The following BABAM2 variants were observed in gnomAD, a reference collection of about 807,000 sequenced individuals.
The protein encoded by BABAM2 is BRISC and BRCA1-A complex member 2.
Under a neutral mutation model 54.7 loss-of-function variants are expected in BABAM2, and 31 were observed. The ratio of observed to expected loss-of-function variants is 0.57; its 90% CI spans 0.43 to 0.77. The LOEUF (loss-of-function observed/expected upper bound fraction) is 0.77, where lower values mean the gene tolerates loss of function less well. Among genes scored for constraint, BABAM2 ranks in the 30% least tolerant of loss-of-function variants. The probability of loss-of-function intolerance (pLI) is 0.00; values close to 1 mark genes in which losing one functional copy is unlikely to be tolerated. For synonymous variants in BABAM2, 167 were observed against 162.9 expected (o/e 1.03, Z -0.19); for missense variants, 364 against 455.8 (o/e 0.80, Z 1.83).
intron 7 of BABAM2, among the ~76,000 whole-genome samples, chr2:28,170,483 C>T (rs1674203084): frequency 6.6e-6 from 1 of 151,678 alleles, no homozygotes; most frequent in Non-Finnish European, 1.5e-5. Flanking sequence ...ATATAAAAAG[C>T]TAGGAATATT....
intron 4 of BABAM2, chr2:28,016,245 A>G (rs1239911520): frequency 2.2e-6 from 2 of 916,324 alleles, no homozygotes; most frequent in Admixed American, 2.0e-5. Context: ...GCACTTAACA[A>G]TTTCCCCCTG....
rs960796142 is a variant in BABAM2 at position 28,278,269 on chromosome 2, G to A, written c.935-20069G>A. Among the ~76,000 whole-genome samples the A allele has an allele frequency of 5.2e-4, 79 of 152,218 alleles. 2 individuals carry two copies. Among genetic ancestry groups the A allele is most frequent in the African/African-American group, 1.9e-3 (77 of 41,460 alleles). Reference sequence around the variant, plus strand: ...CTATTATACTGTAAGTCCAATGGCAGAGGGGAGGATGAATTCAAGTGGAAG... The same window carrying A: ...CTATTATACTGTAAGTCCAATGGCAAAGGGGAGGATGAATTCAAGTGGAAG... On this transcript the variant is annotated intron_variant, in intron 10 of 11. Coordinates refer to ENST00000379624, the MANE Select transcript of BABAM2 (RefSeq NM_199191.3).
chr2:28,048,057 T>C (rs915427538), intron 6 of BABAM2, among the ~76,000 whole-genome samples: 28 of 152,238 alleles, frequency 1.8e-4, no homozygotes, highest in Admixed American at 7.2e-4. Context: ...ATAGTCTAAC[T>C]ACAAAAATAA....
At chr2:28,048,715 G>A (rs568351121) in intron 6 of BABAM2, among the ~76,000 whole-genome samples, 2 of 152,188 alleles carry the variant, frequency 1.3e-5, no homozygotes, top group Non-Finnish European at 2.9e-5. Flanking sequence ...CTCAACTGGT[G>A]TGTTTATGGG....
chr2:28,294,647 G>C (rs531477970), intron 10 of BABAM2, among the ~76,000 whole-genome samples: 1 of 152,136 alleles, frequency 6.6e-6, no homozygotes. Flanking sequence ...AATCATTCTT[G>C]TCAGAAAAAT....
chr2:28,112,129 C>A (rs1668100118), intron 6 of BABAM2, among the ~76,000 whole-genome samples: 1 of 15,594 alleles, frequency 6.4e-5, no homozygotes, highest in Non-Finnish European at 1.2e-4. Flanking sequence ...TTCTTTCTTT[C>A]TTTCTTTCTT....
intron 6 of BABAM2, among the ~76,000 whole-genome samples, chr2:28,111,250 G>A (rs1667997528): frequency 6.6e-6 from 1 of 151,538 alleles, no homozygotes; most frequent in Admixed American, 6.6e-5. Flanking sequence ...CAAAATTCTG[G>A]GATTACAGGT....
At chr2:28,285,775 GC>G in intron 10 of BABAM2, among the ~76,000 whole-genome samples, 1 of 150,892 alleles carries the variant, frequency 6.6e-6, no homozygotes, top group East Asian at 1.9e-4. Flanking sequence ...TTGCTATGTT[GC>G]CCAGGCTTAT....
chr2:28,008,892 CT>C (rs774466885), intron 4 of BABAM2, among the ~76,000 whole-genome samples: 1 of 152,124 alleles, frequency 6.6e-6, no homozygotes, highest in Non-Finnish European at 1.5e-5. Context: ...TTCTTCCCCC[CT>C]GGATATGGGC....
Position 27,995,379 on chromosome 2 carries a change from T to C in BABAM2, c.300+7292T>C, listed in dbSNP as rs971571468. On this transcript the variant is annotated intron_variant, in intron 4 of 11. Transcript: ENST00000379624. This position sits in a 1 kb window ranked among gnomAD's most constrained non-coding sequence, Gnocchi z 4.1. ...GCCTTGCACTGTTCCTCCATCACTC[T>C]CTGTTGACAAGCTGAACACTGCACC... is the stretch of plus-strand genomic sequence containing the variant. Among the ~76,000 whole-genome samples the C allele has an allele frequency of 6.6e-6, 1 of 152,118 alleles. No individual in the cohort carries two copies. The highest frequency in any genetic ancestry group is 2.4e-5 in the African/African-American group (1 of 41,426).
At chr2:28,138,334 C>A (rs1670725267) in intron 7 of BABAM2, among the ~76,000 whole-genome samples, 1 of 152,098 alleles carries the variant, frequency 6.6e-6, no homozygotes, top group Non-Finnish European at 1.5e-5. Flanking sequence ...GGAAACTGTA[C>A]AACACCAGAG....
chr2:28,211,437 G>T (rs1679448082), intron 7 of BABAM2, among the ~76,000 whole-genome samples: 2 of 119,130 alleles, frequency 1.7e-5, no homozygotes, highest in Non-Finnish European at 3.3e-5. Flanking sequence ...GCCCAGGCTG[G>T]AGTACAGTGG....
chr2:28,325,259 G>A lies in BABAM2; in HGVS notation c.1089-13191G>A, dbSNP rs77355936. 0.028 allele frequency among the ~76,000 whole-genome samples: 4,249 copies of A among 152,218 alleles called. 139 individuals carry two copies. The highest frequency in any genetic ancestry group is 0.07 in the African/African-American group (2,911 of 41,534). On this transcript the variant is annotated intron_variant, in intron 11 of 11. Coordinates refer to ENST00000379624, the MANE Select transcript of BABAM2 (RefSeq NM_199191.3). This position sits in a 1 kb window ranked among gnomAD's most constrained non-coding sequence, Gnocchi z 4.3. ...CTGTAACGGAAGCCTGGGGCCGCAG[G>A]GCTACCTGCTGTCAGCATGTGCAGG...
chr2:28,192,405 C>T (rs1230081070), intron 7 of BABAM2, among the ~76,000 whole-genome samples: 1 of 151,404 alleles, frequency 6.6e-6, no homozygotes, highest in Non-Finnish European at 1.5e-5. Flanking sequence ...CGTAAAAAAC[C>T]TGCACGTTGT....
At chr2:28,076,935 T>G (rs1436117178) in intron 6 of BABAM2, among the ~76,000 whole-genome samples, 2 of 152,234 alleles carry the variant, frequency 1.3e-5, no homozygotes, top group Admixed American at 6.5e-5. Flanking sequence ...TTGCCTAATT[T>G]AGGTGATAAG....
intron 10 of BABAM2, among the ~76,000 whole-genome samples, chr2:28,293,328 A>C (rs1209042767): frequency 2.0e-5 from 3 of 152,200 alleles, no homozygotes; most frequent in Non-Finnish European, 2.9e-5. Context: ...TTATGAATTG[A>C]GATACCACCT....
At chr2:28,262,397 A>G (rs1684614772) in intron 10 of BABAM2, among the ~76,000 whole-genome samples, 1 of 152,162 alleles carries the variant, frequency 6.6e-6, no homozygotes, top group Non-Finnish European at 1.5e-5. Context: ...ATGATTTGGG[A>G]TGGAGACCAG....
upstream of BABAM2, chr2:27,890,500 C>A: frequency 1.5e-6 from 1 of 645,882 alleles, no homozygotes; most frequent in Non-Finnish European, 2.7e-6. This position sits in a 1 kb window ranked among gnomAD's most constrained non-coding sequence, Gnocchi z 4.8. Flanking sequence ...CCCCGCCCAC[C>A]AAGTGTCCCC....
intron 6 of BABAM2, among the ~76,000 whole-genome samples, chr2:28,111,682 C>A (rs1363993630): frequency 6.6e-6 from 1 of 152,098 alleles, no homozygotes; most frequent in Non-Finnish European, 1.5e-5. Flanking sequence ...TCTTTGGACC[C>A]GTTTTCTTTT....
Sources: gnomAD v4.1 joint callset for allele counts (sites outside exome capture counted in the v4.1 genomes callset) on GRCh38, gnomAD v4.1.1 for gene constraint, Gnocchi (gnomAD v3.1) non-coding constraint, MANE v1.5 for transcripts, NCBI Gene and HGNC (gene_info 2026-07-23, HGNC 2026-07-21) for gene names.